Variants in DNAAF11 observed in about 807,000 individuals in gnomAD.
The protein encoded by DNAAF11 is dynein axonemal assembly factor 11.
Under a neutral mutation model 60.8 loss-of-function variants are expected in DNAAF11, and 45 were observed. The observed-to-expected ratio is 0.74, with a 90% CI of 0.58 to 0.95. The LOEUF is 0.95. Ranked by LOEUF, DNAAF11 falls within the 40% of genes least tolerant of loss-of-function variation. The probability of loss-of-function intolerance (pLI) is 0.00; values close to 1 mark genes in which losing one functional copy is unlikely to be tolerated. For missense variants in DNAAF11, 546 were observed against 546.2 expected, an observed-to-expected ratio of 1.00 and a Z score of 0.00; for synonymous variants, 191 against 183.5, an observed-to-expected ratio of 1.04 and a Z score of -0.33.
rs1282060682 is a variant in DNAAF11 at position 132,571,919 on chromosome 8, G to T, written c.*387C>A. Reference sequence around the variant, plus strand: ...AATCATATTAAAGTATTCCAATTGGGTCTGAAATTACAGTTTTAACTTCTA... The same window carrying T: ...AATCATATTAAAGTATTCCAATTGGTTCTGAAATTACAGTTTTAACTTCTA... On this transcript the variant is annotated 3_prime_UTR_variant, in exon 12 of 12. Transcript: ENST00000620350. 6.2e-6 allele frequency: 1 copy of T among 161,580 alleles called. No homozygotes were observed. Among genetic ancestry groups the T allele is most frequent in the African/African-American group, 2.4e-5 (1 of 41,840 alleles). 10.0% of individuals were successfully genotyped at this position (161,580 alleles called of 1,614,324 possible). A position where few individuals can be genotyped will look rare whatever the true frequency, so the allele number is the denominator to read the frequency against.
chr8:132,597,018 T>G (rs1443805536), intron 10 of DNAAF11, among the ~76,000 whole-genome samples: 1 of 151,984 alleles, frequency 6.6e-6, no homozygotes, highest in Non-Finnish European at 1.5e-5. Flanking sequence ...AACTGGCCAA[T>G]GGGAAAAAGG....
intron 10 of DNAAF11, among the ~76,000 whole-genome samples, chr8:132,600,773 C>T (rs59880321): frequency 0.018 from 2,740 of 152,226 alleles, 87 homozygotes; most frequent in African/African-American, 0.062. Context: ...AAAATTAATT[C>T]AAGATGGATT....
At chr8:132,643,913 T>C (rs1022209700) in intron 3 of DNAAF11, among the ~76,000 whole-genome samples, 3 of 152,174 alleles carry the variant, frequency 2.0e-5, no homozygotes, top group African/African-American at 7.2e-5. Flanking sequence ...GCTAAAAATA[T>C]AAATTGTGTA....
intron 10 of DNAAF11, among the ~76,000 whole-genome samples, chr8:132,594,062 TATTATACA>T (rs1816743749): frequency 6.6e-6 from 1 of 152,156 alleles, no homozygotes; most frequent in Admixed American, 6.6e-5. Context: ...AACTTCTGCT[TATTATACA>T]AATAATAAGC....
At chr8:132,632,454 T>C (rs917267136) in intron 5 of DNAAF11, among the ~76,000 whole-genome samples, 3 of 152,362 alleles carry the variant, frequency 2.0e-5, no homozygotes, top group Non-Finnish European at 2.9e-5. Context: ...AAAGTACACC[T>C]GTTAATTCAT....
chr8:132,675,565 T>G (rs1825720894), upstream of DNAAF11: 1 of 1,452,350 alleles, frequency 6.9e-7, no homozygotes, highest in Admixed American at 2.2e-5. Flanking sequence ...CCTTCACCCC[T>G]GCTCCTCAGC....
intron 11 of DNAAF11, among the ~76,000 whole-genome samples, chr8:132,577,767 T>A (rs923227572): frequency 1.3e-5 from 2 of 152,208 alleles, no homozygotes; most frequent in African/African-American, 2.4e-5. Context: ...CAAGTGATCT[T>A]CCCACCTCAG....
chr8:132,693,448 A>AGTGTGT, the DNAAF11 span, among the ~76,000 whole-genome samples: 40 of 148,570 alleles, frequency 2.7e-4, no homozygotes, highest in African/African-American at 7.7e-4. Context: ...AATGTATGTG[A>AGTGTGT]GTGTGTGTGT....
In DNAAF11 at chr8:132,661,451, G is replaced by A. The variant is rs1563704665; in HGVS notation, c.178+9C>T. 1.2e-6 allele frequency: 2 copies of A among 1,608,468 alleles called. No individual in the cohort carries two copies. Among genetic ancestry groups the A allele is most frequent in the Non-Finnish European group, 8.5e-7 (1 of 1,176,398 alleles). ...CAAGAAACCATGAGAACTAAGTACT[G>A]AAACTTACCAATTTTCCCAATAAGA... is the stretch of plus-strand genomic sequence containing the variant. On this transcript the variant is annotated intron_variant, in intron 2 of 11. Coordinates refer to ENST00000620350, the MANE Select transcript of DNAAF11 (RefSeq NM_012472.6).
chr8:132,601,646 A>T (rs764053467), intron 10 of DNAAF11, among the ~76,000 whole-genome samples: 2 of 152,162 alleles, frequency 1.3e-5, no homozygotes, highest in Non-Finnish European at 2.9e-5. Flanking sequence ...GCTGGAAACC[A>T]TTATTCTCAG....
chr8:132,697,671 G>A, the DNAAF11 span, among the ~76,000 whole-genome samples: 1 of 152,020 alleles, frequency 6.6e-6, no homozygotes, highest in African/African-American at 2.4e-5. Context: ...ATGGGCCAGA[G>A]TATGAGAGGA....
At chr8:132,593,328 CATACAT>C (rs1228830326) in intron 10 of DNAAF11, among the ~76,000 whole-genome samples, 94 of 67,564 alleles carry the variant, frequency 1.4e-3, no homozygotes, top group African/African-American at 6.3e-3. Flanking sequence ...AGAATATATA[CATACAT>C]ATATATATAT....
upstream of DNAAF11, among the ~76,000 whole-genome samples, chr8:132,677,211 C>G (rs1246896001): frequency 6.6e-6 from 1 of 152,144 alleles, no homozygotes; most frequent in Non-Finnish European, 1.5e-5. Context: ...AGCAAATTCG[C>G]CTGTGCTTGA....
chr8:132,638,184 T>C (rs1487558311), intron 3 of DNAAF11, 77 bp from the exon 4 acceptor site: 7 of 1,008,388 alleles, frequency 6.9e-6, no homozygotes, highest in Non-Finnish European at 1.1e-5. Flanking sequence ...TAACATCACA[T>C]AACAGAAGTA....
At chr8:132,650,000 C>A (rs1822837310) in intron 3 of DNAAF11, among the ~76,000 whole-genome samples, 1 of 152,182 alleles carries the variant, frequency 6.6e-6, no homozygotes, top group African/African-American at 2.4e-5. Flanking sequence ...CCATTTGACC[C>A]AGCCATCCCA....
At chr8:132,629,784 A>G (rs531774003) in intron 5 of DNAAF11, among the ~76,000 whole-genome samples, 1 of 152,356 alleles carries the variant, frequency 6.6e-6, no homozygotes, top group South Asian at 2.1e-4. Flanking sequence ...TTTTCCAACT[A>G]GAAAATGCAG....
chr8:132,620,315 G>A (rs1327169639), intron 7 of DNAAF11, among the ~76,000 whole-genome samples: 2 of 152,084 alleles, frequency 1.3e-5, no homozygotes, highest in Non-Finnish European at 2.9e-5. Flanking sequence ...GAAGACAAAC[G>A]ACAAGGACTG....
chr8:132,633,090 T>C, intron 4 of DNAAF11, 127 bp from the exon 5 acceptor site: 2 of 603,208 alleles, frequency 3.3e-6, no homozygotes, highest in East Asian at 2.8e-5. Flanking sequence ...ATATAATTAA[T>C]GGGAAATATC....
At chr8:132,658,859 A>C (rs1823851996) in intron 2 of DNAAF11, among the ~76,000 whole-genome samples, 1 of 152,246 alleles carries the variant, frequency 6.6e-6, no homozygotes, top group East Asian at 1.9e-4. Context: ...CCAGGGCCCA[A>C]CTTGGACACA....
Sources: allele counts gnomAD v4.1 joint callset (sites outside exome capture counted in the v4.1 genomes callset), GRCh38; gene constraint gnomAD v4.1.1; transcripts MANE v1.5; gene names NCBI Gene and HGNC (gene_info 2026-07-23, HGNC 2026-07-21).